Variants in ZNF277 observed in about 807,000 individuals in gnomAD.
ZNF277 encodes zinc finger protein 277, also known as nuclear receptor-interacting factor 4.
In ZNF277, 55 loss-of-function variants were observed where a neutral mutation model predicts 60.7. The ratio of observed to expected loss-of-function variants is 0.91; its 90% CI spans 0.73 to 1.13. ZNF277 has a LOEUF of 1.13. Ranked by LOEUF, ZNF277 falls within the 50% of genes most tolerant of loss-of-function variation. The probability of loss-of-function intolerance (pLI) is 0.00; values close to 1 mark genes in which losing one functional copy is unlikely to be tolerated. For missense variants in ZNF277, 510 were observed against 523.0 expected (o/e 0.98, Z 0.24); for synonymous variants, 178 against 179.3 (o/e 0.99, Z 0.06).
chr7:112,335,374 G>A (rs914142934), intron 7 of ZNF277, among the ~76,000 whole-genome samples: 9 of 152,142 alleles, frequency 5.9e-5, no homozygotes, highest in African/African-American at 9.6e-5. Context: ...AGGAAGAAAC[G>A]GCCCAAGGGG....
intron 1 of ZNF277, among the ~76,000 whole-genome samples, chr7:112,234,232 CA>C (rs1352475506): frequency 1.7e-4 from 26 of 152,218 alleles, no homozygotes; most frequent in African/African-American, 5.5e-4. Context: ...TAAATATTGA[CA>C]AATGTTTTCT....
At chr7:112,322,320 G>C (rs950511817) in intron 5 of ZNF277, among the ~76,000 whole-genome samples, 17 of 151,804 alleles carry the variant, frequency 1.1e-4, no homozygotes, top group African/African-American at 3.9e-4. Context: ...TACATATGTT[G>C]GTAAACTTGA....
intron 1 of ZNF277, among the ~76,000 whole-genome samples, chr7:112,216,038 G>C (rs1735433721): frequency 6.6e-6 from 1 of 152,198 alleles, no homozygotes; most frequent in Non-Finnish European, 1.5e-5. Flanking sequence ...CCAAGGCACT[G>C]TACAACTAAT....
chr7:112,239,046 A>G (rs771589547), intron 1 of ZNF277, among the ~76,000 whole-genome samples: 7 of 152,126 alleles, frequency 4.6e-5, no homozygotes, highest in African/African-American at 7.2e-5. Context: ...CATCAGCAAT[A>G]GCCAGGCACT....
intron 4 of ZNF277, among the ~76,000 whole-genome samples, chr7:112,303,634 A>C (rs1483905093): frequency 2.6e-5 from 4 of 151,952 alleles, no homozygotes; most frequent in Non-Finnish European, 5.9e-5. Flanking sequence ...ACCTAAGCTA[A>C]ATTCTCTTGT....
intron 10 of ZNF277, 115 bp downstream of exon 10, chr7:112,340,000 C>G (rs1463615506): frequency 7.7e-6 from 7 of 909,468 alleles, no homozygotes; most frequent in Non-Finnish European, 1.2e-5. Flanking sequence ...AAACATGTCT[C>G]TCTATAGATG....
chr7:112,308,281 G>A (rs763115677), intron 4 of ZNF277, among the ~76,000 whole-genome samples: 4 of 152,000 alleles, frequency 2.6e-5, no homozygotes, highest in South Asian at 2.1e-4. Context: ...TTTGGGAGGC[G>A]AGGCGGGCAG....
chr7:112,297,109 A>T lies in ZNF277; in HGVS notation c.465+798A>T, dbSNP rs539600479. Among the ~76,000 whole-genome samples the T allele has an allele frequency of 5.6e-4, 84 of 150,358 alleles. 1 individual carries two copies. The highest frequency in any genetic ancestry group is 1.6e-3 in the Admixed American group (24 of 15,074). ...CACCTGGCTAATTTTTTGTATTTTTAGTAGAGATGGGGTTTCACCGTATTA... is the reference window on the plus strand; with the variant it reads ...CACCTGGCTAATTTTTTGTATTTTTTGTAGAGATGGGGTTTCACCGTATTA... On this transcript the variant is annotated intron_variant, in intron 4 of 11. Transcript: ENST00000361822.
At chr7:112,213,429 G>T (rs1316095000) in intron 1 of ZNF277, among the ~76,000 whole-genome samples, 1 of 152,104 alleles carries the variant, frequency 6.6e-6, no homozygotes, top group Non-Finnish European at 1.5e-5. Context: ...ACAAATCAAT[G>T]GGACCCAACT....
At chr7:112,235,937 A>G (rs1044130864) in intron 1 of ZNF277, among the ~76,000 whole-genome samples, 5 of 151,810 alleles carry the variant, frequency 3.3e-5, no homozygotes, top group Non-Finnish European at 7.4e-5. Context: ...ATCAGTTTTG[A>G]GTTAATTTTT....
chr7:112,337,713 C>G lies in ZNF277; in HGVS notation c.870-17C>G, dbSNP rs770241066. On this transcript the variant is annotated splice_polypyrimidine_tract_variant and intron_variant, in intron 8 of 11. Coordinates refer to ENST00000361822, the MANE Select transcript of ZNF277 (RefSeq NM_021994.3). Reference sequence around the variant, plus strand: ...TGAAGGGAATCTCCGTATTTTCTCTCCTCTTTTTTAATTCAGTGACTGGTC... The same window carrying G: ...TGAAGGGAATCTCCGTATTTTCTCTGCTCTTTTTTAATTCAGTGACTGGTC... 8 of 1,605,440 alleles carry G rather than the reference C, an allele frequency of 5.0e-6. No individual in the cohort carries two copies. The highest frequency in any genetic ancestry group is 6.0e-6 in the Non-Finnish European group (7 of 1,175,298).
chr7:112,256,290 A>G (rs2117016523), intron 1 of ZNF277, among the ~76,000 whole-genome samples: 1 of 152,272 alleles, frequency 6.6e-6, no homozygotes, highest in South Asian at 2.1e-4. Context: ...TCTTATACAT[A>G]GAAATAAGAA....
intron 1 of ZNF277, among the ~76,000 whole-genome samples, chr7:112,267,121 A>G (rs1239594415): frequency 5.3e-5 from 8 of 152,312 alleles, no homozygotes; most frequent in East Asian, 1.9e-4. Flanking sequence ...CGCAGCAGAA[A>G]TGGCAGCTTG....
intron 1 of ZNF277, among the ~76,000 whole-genome samples, chr7:112,279,117 T>A (rs1791885599): frequency 6.6e-6 from 1 of 152,246 alleles, no homozygotes; most frequent in Non-Finnish European, 1.5e-5. Flanking sequence ...CATCTATTAT[T>A]TCTGCCTCTT....
intron 2 of ZNF277, among the ~76,000 whole-genome samples, chr7:112,293,284 A>G (rs568195106): frequency 2.6e-5 from 4 of 152,142 alleles, no homozygotes; most frequent in Non-Finnish European, 4.4e-5. Context: ...TCCATTTAAA[A>G]AAAAGTCATT....
At chr7:112,334,259 T>TCATG (rs1793284720) in intron 7 of ZNF277, among the ~76,000 whole-genome samples, 1 of 152,138 alleles carries the variant, frequency 6.6e-6, no homozygotes, top group Non-Finnish European at 1.5e-5. Context: ...CTCTCATTAT[T>TCATG]CATGAGCCAT....
At chr7:112,309,926 G>C (rs1180194276) in intron 4 of ZNF277, among the ~76,000 whole-genome samples, 1 of 152,060 alleles carries the variant, frequency 6.6e-6, no homozygotes, top group East Asian at 1.9e-4. Flanking sequence ...CGCATAGGAT[G>C]AGATCTGGGA....
At chr7:112,262,835 C>T (rs1014713408) in intron 1 of ZNF277, among the ~76,000 whole-genome samples, 7 of 152,018 alleles carry the variant, frequency 4.6e-5, no homozygotes, top group Non-Finnish European at 8.8e-5. Context: ...GACTTAGACA[C>T]TCACAGTGTC....
intron 1 of ZNF277, among the ~76,000 whole-genome samples, chr7:112,262,816 C>T (rs1229361222): frequency 6.6e-6 from 1 of 151,964 alleles, no homozygotes; most frequent in African/African-American, 2.4e-5. Context: ...TACTGCCTAA[C>T]TTCATAGGGA....
Sources: allele counts gnomAD v4.1 joint callset (sites outside exome capture counted in the v4.1 genomes callset), GRCh38; gene constraint gnomAD v4.1.1; transcripts MANE v1.5; gene names NCBI Gene and HGNC (gene_info 2026-07-23, HGNC 2026-07-21).